Variants in HSPBAP1 observed in about 807,000 individuals in gnomAD.
HSPBAP1 encodes HSPB1-associated protein 1.
Under a neutral mutation model 45.2 loss-of-function variants are expected in HSPBAP1, and 27 were observed. The ratio of observed to expected loss-of-function variants is 0.60; its 90% CI spans 0.44 to 0.82. The LOEUF is 0.82. Ranked by LOEUF, HSPBAP1 falls within the 40% of genes least tolerant of loss-of-function variation. HSPBAP1 has a pLI of 0.00. For missense variants in HSPBAP1, 510 were observed against 590.9 expected, an observed-to-expected ratio of 0.86 and a Z score of 1.42; for synonymous variants, 204 against 202.7, an observed-to-expected ratio of 1.01 and a Z score of -0.06.
chr3:122,740,907 T>A, intron 7 of HSPBAP1, 32 bp from the exon 8 acceptor site: 1 of 1,610,952 alleles, frequency 6.2e-7, no homozygotes, highest in Non-Finnish European at 8.5e-7. Flanking sequence ...TTAAAATGGT[T>A]ACATACATTT....
At chr3:122,787,265 C>A (rs13086404) in intron 1 of HSPBAP1, among the ~76,000 whole-genome samples, 1 of 152,098 alleles carries the variant, frequency 6.6e-6, no homozygotes. Context: ...AAATAAATTG[C>A]GTCCTTCTCA....
chr3:122,740,495 G>A lies in HSPBAP1; in HGVS notation c.1317C>T (p.Asn439=), dbSNP rs1933623274. 2.5e-6 allele frequency: 4 copies of A among 1,614,156 alleles called. No homozygotes were observed. The highest frequency in any genetic ancestry group is 3.4e-6 in the Non-Finnish European group (4 of 1,180,030). The part of the protein sequence containing the change: ...HCAKRQQIMS[N]SENAIEEQIA... ...TCTGTTCCTCAATTGCATTTTCACT[G>A]TTGCTCATTATTTGTTGTCTCTTGG... The change falls in exon 8 of 8, where the codon AAC becomes AAT. Residue 439 remains asparagine, a synonymous_variant. Coordinates refer to ENST00000306103, the MANE Select transcript of HSPBAP1 (RefSeq NM_024610.6).
intron 1 of HSPBAP1, among the ~76,000 whole-genome samples, chr3:122,789,673 G>A (rs1015963879): frequency 1.2e-4 from 18 of 152,096 alleles, no homozygotes; most frequent in Admixed American, 1.0e-3. Flanking sequence ...TTTTAGCAAT[G>A]TATAAAACTT....
In HSPBAP1 at chr3:122,780,993, T is replaced by A. The variant is rs372215859; in HGVS notation, c.65-3087A>T. On this transcript the variant is annotated intron_variant, in intron 1 of 7. Transcript: ENST00000306103. ...AGAGACGCTCCTCACTTCCTAGATG[T>A]GATGGCAGCCGGGAAGAGGCGCTCC... is the stretch of plus-strand genomic sequence containing the variant. Among the ~76,000 whole-genome samples, 5 of 128,080 alleles carry A rather than the reference T, an allele frequency of 3.9e-5. No homozygotes were observed. The East Asian group carries it at 1.1e-3, about 29-fold the overall frequency. The allele number at this position is 128,080 out of a possible 152,430, so 84.0% of individuals were successfully genotyped here.
chr3:122,776,492 A>G (rs1222744061), intron 2 of HSPBAP1, among the ~76,000 whole-genome samples: 1 of 152,232 alleles, frequency 6.6e-6, no homozygotes, highest in Non-Finnish European at 1.5e-5. Context: ...AGTATTCACA[A>G]TAGTGCCTGA....
intron 2 of HSPBAP1, among the ~76,000 whole-genome samples, chr3:122,769,381 T>C (rs1180609654): frequency 1.3e-5 from 2 of 152,110 alleles, no homozygotes; most frequent in Admixed American, 1.3e-4. Context: ...CCACTAGAGA[T>C]GAGGGTTGAT....
intron 2 of HSPBAP1, among the ~76,000 whole-genome samples, chr3:122,773,786 A>G (rs1935094013): frequency 6.6e-6 from 1 of 151,478 alleles, no homozygotes; most frequent in South Asian, 2.1e-4. Context: ...ACAGGTGCAC[A>G]CCATCATGCC....
At chr3:122,756,328 C>T (rs1313353667) in intron 4 of HSPBAP1, among the ~76,000 whole-genome samples, 1 of 152,130 alleles carries the variant, frequency 6.6e-6, no homozygotes, top group Non-Finnish European at 1.5e-5. Context: ...ATGCTGAAGT[C>T]TTATTTTGCT....
intron 2 of HSPBAP1, among the ~76,000 whole-genome samples, chr3:122,773,170 T>A (rs1935061526): frequency 6.6e-6 from 1 of 151,724 alleles, no homozygotes; most frequent in Non-Finnish European, 1.5e-5. Context: ...ATAATATATA[T>A]GAAGAATTCA....
intron 5 of HSPBAP1, chr3:122,753,987 G>T: frequency 1.4e-6 from 1 of 730,390 alleles, no homozygotes; most frequent in Non-Finnish European, 1.7e-6. Context: ...CAAAACAAGT[G>T]TTGGGAAAGA....
intron 6 of HSPBAP1, among the ~76,000 whole-genome samples, chr3:122,747,400 TGAG>T (rs1933920425): frequency 6.7e-6 from 1 of 149,510 alleles, no homozygotes; most frequent in Non-Finnish European, 1.5e-5. Context: ...ATCTGAGAAA[TGAG>T]GAGCCCCTCC....
rs764276528 is a variant in HSPBAP1, at chr3:122,740,774, T to C, written c.1038A>G (p.Ala346=). ...TCATGTGCTCTCCATCTGTTCTCAG[T>C]GCTTGGATTTCTACTACCTCAGATG... is the stretch of plus-strand genomic sequence containing the variant. ...CRTSEVVEIQ[A]LRTDGEHMKK... Residue 346 remains alanine (A), a synonymous_variant, in exon 8 of 8, where the codon GCA becomes GCG. Coordinates refer to ENST00000306103, the MANE Select transcript of HSPBAP1 (RefSeq NM_024610.6). The C allele has an allele frequency of 1.9e-6, 3 of 1,614,108 alleles. No homozygotes were observed. In the East Asian group the frequency reaches 6.7e-5, roughly 36 times the overall value.
intron 5 of HSPBAP1, chr3:122,753,438 A>C (rs1934232471): frequency 1.0e-6 from 1 of 982,388 alleles, no homozygotes; most frequent in Non-Finnish European, 1.2e-6. Flanking sequence ...AGAAATTCTA[A>C]GTAGGGGGAT....
chr3:122,793,226 A>T (rs907723922), intron 1 of HSPBAP1, among the ~76,000 whole-genome samples: 1 of 152,222 alleles, frequency 6.6e-6, no homozygotes, highest in Non-Finnish European at 1.5e-5. Flanking sequence ...AAATAGAATA[A>T]AAGCGCATAA....
intron 6 of HSPBAP1, among the ~76,000 whole-genome samples, chr3:122,745,515 T>G (rs777848506): frequency 3.6e-4 from 55 of 152,204 alleles, no homozygotes; most frequent in Non-Finnish European, 7.2e-4. Context: ...AAACAATTTA[T>G]AAGCTTTAAG....
rs201090636 is a variant in HSPBAP1, at chr3:122,740,331, A to C, written c.*14T>G. On this transcript the variant is annotated 3_prime_UTR_variant, in exon 8 of 8. Transcript: ENST00000306103. ...TTTAAAAAATATTATTTTAAAAGTC[A>C]TCTTCCACTTGAATCATAAACTTCT... The C allele has an allele frequency of 7.5e-5, 113 of 1,510,672 alleles. No individual in the cohort carries two copies. In the East Asian group the frequency reaches 2.3e-3, roughly 31 times the overall value. 93.6% of individuals were successfully genotyped at this position (1,510,672 alleles called of 1,614,324 possible).
chr3:122,755,158 AT>A (rs764013420), intron 5 of HSPBAP1, 101 bp downstream of exon 5: 101 of 1,236,028 alleles, frequency 8.2e-5, no homozygotes, highest in Non-Finnish European at 1.1e-4. Context: ...AGCCATTCTC[AT>A]TTGCACTGCG....
intron 1 of HSPBAP1, among the ~76,000 whole-genome samples, chr3:122,788,303 G>A (rs1935717160): frequency 1.3e-5 from 2 of 152,170 alleles, no homozygotes; most frequent in African/African-American, 4.8e-5. Context: ...TATATTTTAA[G>A]TGAAGTTAAC....
At chr3:122,779,912 T>C (rs1424274503) in intron 1 of HSPBAP1, among the ~76,000 whole-genome samples, 4 of 151,952 alleles carry the variant, frequency 2.6e-5, no homozygotes, top group Non-Finnish European at 5.9e-5. Context: ...TACTTCTTTC[T>C]ACACAGACAC....
Sources: allele counts gnomAD v4.1 joint callset (sites outside exome capture counted in the v4.1 genomes callset), GRCh38; gene constraint gnomAD v4.1.1; transcripts MANE v1.5; gene names NCBI Gene and HGNC (gene_info 2026-07-23, HGNC 2026-07-21).